Variants in TTC39B observed in about 807,000 individuals in gnomAD.
The protein encoded by TTC39B is tetratricopeptide repeat protein 39B.
A neutral mutation model predicts 96.6 loss-of-function variants in TTC39B; 92 were observed. That is an observed-to-expected ratio of 0.95 (90% CI 0.80 to 1.13). The LOEUF is 1.13. Ranked by LOEUF, TTC39B falls within the 50% of genes most tolerant of loss-of-function variation. The pLI, the probability that TTC39B is intolerant of heterozygous loss-of-function variation, is 0.00. For missense variants in TTC39B, 955 were observed against 809.3 expected (o/e 1.18, Z -2.18); for synonymous variants, 367 against 299.4 (o/e 1.23, Z -2.33).
At chr9:15,228,166 G>T (rs886145959) in intron 2 of TTC39B, among the ~76,000 whole-genome samples, 2 of 151,918 alleles carry the variant, frequency 1.3e-5, no homozygotes, top group African/African-American at 4.8e-5. Context: ...ATGTTTCAAA[G>T]TGCTAAAATA....
At chr9:15,187,932 T>C (rs758092633) in intron 14 of TTC39B, 39 bp downstream of exon 14, 3 of 1,530,956 alleles carry the variant, frequency 2.0e-6, no homozygotes, top group Non-Finnish European at 2.6e-6. Context: ...GGCCATGTAT[T>C]AGCAAACAGA....
chr9:15,249,616 C>T (rs1179515495), intron 2 of TTC39B: 1 of 164,954 alleles, frequency 6.1e-6, no homozygotes, highest in Non-Finnish European at 1.3e-5. Context: ...AATAAACCAG[C>T]CATGGCATCC....
chr9:15,249,081 G>A (rs1252652354), intron 2 of TTC39B: 1 of 152,088 alleles, frequency 6.6e-6, no homozygotes, highest in Non-Finnish European at 1.5e-5. Context: ...AGACAAATCA[G>A]GAACATATGG....
intron 2 of TTC39B, among the ~76,000 whole-genome samples, chr9:15,259,953 G>C (rs150749664): frequency 1.3e-5 from 2 of 152,146 alleles, no homozygotes; most frequent in African/African-American, 4.8e-5. Flanking sequence ...AATAGATAAT[G>C]ACTATAAAAA....
chr9:15,176,096 T>C (rs1817923004), intron 18 of TTC39B, among the ~76,000 whole-genome samples: 1 of 152,166 alleles, frequency 6.6e-6, no homozygotes, highest in Non-Finnish European at 1.5e-5. Flanking sequence ...GCAATGAAAT[T>C]AACATGAAAG....
chr9:15,192,762 T>A, intron 8 of TTC39B, 67 bp from the exon 9 acceptor site: 2 of 1,082,698 alleles, frequency 1.8e-6, no homozygotes, highest in South Asian at 2.7e-5. Context: ...TTAAATCAAA[T>A]TTTACACTTA....
chr9:15,240,889 C>A (rs1284216251), intron 2 of TTC39B, among the ~76,000 whole-genome samples: 2 of 152,084 alleles, frequency 1.3e-5, no homozygotes, highest in African/African-American at 4.8e-5. Flanking sequence ...TTCAATAGGT[C>A]TACTATTATA....
intron 1 of TTC39B, among the ~76,000 whole-genome samples, chr9:15,294,200 G>C (rs186543870): frequency 1.1e-5 from 1 of 87,238 alleles, no homozygotes; most frequent in East Asian, 4.0e-4. Flanking sequence ...TCTATTGTCA[G>C]CTGCTAGCAG....
chr9:15,265,106 A>G (rs925330718), intron 2 of TTC39B, among the ~76,000 whole-genome samples: 1 of 152,248 alleles, frequency 6.6e-6, no homozygotes, highest in Non-Finnish European at 1.5e-5. Flanking sequence ...TAGCAATTTT[A>G]GGGCTGGTGT....
exon 12 of TTC39B, chr9:15,189,755 G>C: frequency 2.5e-6 from 4 of 1,613,688 alleles, no homozygotes; most frequent in Non-Finnish European, 3.4e-6. Context: ...AGGGTGCCAG[G>C]AGACGCTCTG....
In TTC39B at chr9:15,230,862, G is replaced by A. The variant is rs553928240; in HGVS notation, c.276-4850C>T. On this transcript the variant is annotated intron_variant, in intron 2 of 19. Coordinates refer to ENST00000512701, the Ensembl canonical transcript of TTC39B. ...TAGCCAGGCATGGTGGTGCACACCC[G>A]TAATTCCAGCTACTCGGGAGGCTGA... Among the ~76,000 whole-genome samples the A allele has an allele frequency of 8.4e-4, 128 of 152,168 alleles. 1 individual carries two copies. Among genetic ancestry groups the A allele is most frequent in the Admixed American group, 9.2e-4 (14 of 15,282 alleles).
rs1416901888 is a variant in TTC39B, at chr9:15,233,650, G to A, written c.276-7638C>T. Among the ~76,000 whole-genome samples the A allele has an allele frequency of 1.2e-4, 18 of 152,242 alleles. No individual in the cohort carries two copies. In the South Asian group the frequency reaches 3.1e-3, roughly 26 times the overall value. On this transcript the variant is annotated intron_variant, in intron 2 of 19. Transcript: ENST00000512701. ...CGGGATTGCAGACGGAGTCTCGTTCGCTCAGTGCTCAATGGTGCCCAGGCT... is the reference window on the plus strand; with the variant it reads ...CGGGATTGCAGACGGAGTCTCGTTCACTCAGTGCTCAATGGTGCCCAGGCT...
At chr9:15,255,857 G>T (rs1822731512) in intron 2 of TTC39B, among the ~76,000 whole-genome samples, 1 of 152,022 alleles carries the variant, frequency 6.6e-6, no homozygotes, top group Non-Finnish European at 1.5e-5. Context: ...TATTCCAAAA[G>T]ATCCCTTAAC....
intron 8 of TTC39B, among the ~76,000 whole-genome samples, chr9:15,199,257 T>A (rs977174149): frequency 5.3e-5 from 8 of 152,250 alleles, no homozygotes; most frequent in Non-Finnish European, 2.9e-5. Context: ...GATATTACTA[T>A]AATTTTAAAT....
chr9:15,216,011 G>A (rs796896790), intron 3 of TTC39B, among the ~76,000 whole-genome samples: 4 of 152,220 alleles, frequency 2.6e-5, no homozygotes, highest in African/African-American at 9.6e-5. Flanking sequence ...CTTCTAGCAC[G>A]AATAGGTTAT....
intron 2 of TTC39B, among the ~76,000 whole-genome samples, chr9:15,263,760 A>T (rs939679011): frequency 2.6e-5 from 4 of 152,228 alleles, no homozygotes; most frequent in African/African-American, 9.6e-5. Context: ...TAATCTGGCT[A>T]CCCCTTCTGA....
At chr9:15,199,200 T>C (rs1005455538) in intron 8 of TTC39B, among the ~76,000 whole-genome samples, 8 of 152,230 alleles carry the variant, frequency 5.3e-5, no homozygotes, top group East Asian at 1.9e-4. Context: ...TTTCCATCTA[T>C]TGCAGAAAGT....
intron 2 of TTC39B, among the ~76,000 whole-genome samples, chr9:15,235,537 A>G (rs1042365328): frequency 6.6e-6 from 1 of 152,198 alleles, no homozygotes; most frequent in African/African-American, 2.4e-5. Context: ...TCAACACTAA[A>G]GAAAAAATTT....
At chr9:15,223,316 A>AG (rs547370743) in intron 3 of TTC39B, among the ~76,000 whole-genome samples, 305 of 152,308 alleles carry the variant, frequency 2.0e-3, no homozygotes, top group African/African-American at 7.2e-3. Flanking sequence ...GAGGCAAATG[A>AG]GTTTCTTAAA....
Sources: allele counts gnomAD v4.1 joint callset (sites outside exome capture counted in the v4.1 genomes callset), GRCh38; gene constraint gnomAD v4.1.1; transcripts MANE v1.5; gene names NCBI Gene and HGNC (gene_info 2026-07-23, HGNC 2026-07-21).